The following NDST4 variants were observed in gnomAD, a reference collection of about 807,000 sequenced individuals.
NDST4 encodes N-heparan sulfate sulfotransferase 4.
Under a neutral mutation model 100.8 loss-of-function variants are expected in NDST4, and 63 were observed. The ratio of observed to expected loss-of-function variants is 0.62; its 90% CI spans 0.51 to 0.77. The LOEUF is 0.77. Ranked by LOEUF, NDST4 falls within the 30% of genes least tolerant of loss-of-function variation. NDST4 has a pLI of 0.00. For synonymous variants in NDST4, 377 were observed against 361.8 expected, an observed-to-expected ratio of 1.04 and a Z score of -0.48; for missense variants, 943 against 1,018.4, an observed-to-expected ratio of 0.93 and a Z score of 1.01.
intron 2 of NDST4, among the ~76,000 whole-genome samples, chr4:115,007,250 A>G (rs1199595165): frequency 6.6e-6 from 1 of 152,158 alleles, no homozygotes; most frequent in Non-Finnish European, 1.5e-5. Flanking sequence ...ACCAGTAAAC[A>G]TGCAGCTGTA....
intron 8 of NDST4, among the ~76,000 whole-genome samples, 154 bp from the exon 9 acceptor site, chr4:114,848,492 CA>C (rs1723603617): frequency 1.3e-5 from 2 of 152,158 alleles, no homozygotes; most frequent in Non-Finnish European, 2.9e-5. Context: ...TCCATGCAGC[CA>C]CAATCTAAGT....
chr4:114,856,556 A>G (rs1265658763), intron 7 of NDST4, among the ~76,000 whole-genome samples: 4 of 152,224 alleles, frequency 2.6e-5, no homozygotes, highest in African/African-American at 9.6e-5. Context: ...GCAAAATCAT[A>G]GACTTCTCAA....
In NDST4 at chr4:114,929,074, G is replaced by GTCCGTCCGTCCATCCA. The variant is rs1560816975; in HGVS notation, c.1536+6131_1536+6132insTGGATGGACGGACGGA. The stretch of plus-strand genomic sequence containing the variant: ...CGTCCGTCCGTCCGTCCGTCCGTCC[G>GTCCGTCCGTCCATCCA]TCCATCCATCCATCCATCCATCCAT... On this transcript the variant is annotated intron_variant, in intron 6 of 13. Coordinates refer to ENST00000264363, the MANE Select transcript of NDST4 (RefSeq NM_022569.3). Among the ~76,000 whole-genome samples the GTCCGTCCGTCCATCCA allele has an allele frequency of 3.2e-3, 383 of 120,412 alleles. 3 individuals are homozygous for GTCCGTCCGTCCATCCA. The highest frequency in any genetic ancestry group is 4.1e-3 in the Admixed American group (49 of 12,048). 79.0% of individuals were successfully genotyped at this position (120,412 alleles called of 152,430 possible).
At chr4:115,099,974 C>G (rs1729697381) in intron 1 of NDST4, among the ~76,000 whole-genome samples, 1 of 152,052 alleles carries the variant, frequency 6.6e-6, no homozygotes, top group South Asian at 2.1e-4. Flanking sequence ...AAATATCATT[C>G]AGCTCTAAAA....
intron 2 of NDST4, among the ~76,000 whole-genome samples, chr4:115,031,682 T>C (rs1382013077): frequency 6.6e-6 from 1 of 152,108 alleles, no homozygotes; most frequent in Non-Finnish European, 1.5e-5. Context: ...CACCTTTCTC[T>C]CCAAACAGAA....
At chr4:115,034,833 A>AT (rs1728198352) in intron 2 of NDST4, among the ~76,000 whole-genome samples, 1 of 152,150 alleles carries the variant, frequency 6.6e-6, no homozygotes, top group Non-Finnish European at 1.5e-5. Flanking sequence ...GACTATTTCA[A>AT]TAGGTGTCTT....
In NDST4 at chr4:114,894,837, G is replaced by T. The variant is rs200475036; in HGVS notation, c.1537-23887C>A. 2.0e-5 allele frequency among the ~76,000 whole-genome samples: 3 copies of T among 152,016 alleles called. No individual in the cohort carries two copies. In the East Asian group the frequency reaches 5.8e-4, roughly 29 times the overall value. ...TTTTACCGGTTTTTAAAGGGAATGC[G>T]TTCACCTTTTACCCATTCAGTATGA... is the stretch of plus-strand genomic sequence containing the variant. On this transcript the variant is annotated intron_variant, in intron 6 of 13. Coordinates refer to ENST00000264363, the MANE Select transcript of NDST4 (RefSeq NM_022569.3).
At chr4:115,009,714 A>C (rs13150826) in intron 2 of NDST4, among the ~76,000 whole-genome samples, 1 of 115,048 alleles carries the variant, frequency 8.7e-6, no homozygotes, top group East Asian at 2.7e-4. Flanking sequence ...GAGCTTCTGC[A>C]CAGCAAAAGA....
intron 6 of NDST4, among the ~76,000 whole-genome samples, chr4:114,906,514 T>C (rs1724951806): frequency 6.6e-6 from 1 of 151,926 alleles, no homozygotes; most frequent in East Asian, 1.9e-4. Context: ...ACCCATTCTG[T>C]CTCTCTAGTT....
chr4:114,854,368 A>G (rs944904562), intron 7 of NDST4, among the ~76,000 whole-genome samples: 4 of 152,126 alleles, frequency 2.6e-5, no homozygotes, highest in African/African-American at 9.7e-5. Flanking sequence ...CCCTTCATTC[A>G]TTTCTCTGTT....
chr4:114,926,428 G>T (rs976730535), intron 6 of NDST4, among the ~76,000 whole-genome samples: 2 of 151,934 alleles, frequency 1.3e-5, no homozygotes, highest in South Asian at 4.1e-4. Flanking sequence ...TGTAAATCAA[G>T]ATGTAAAACT....
At chr4:115,058,372 A>T (rs1252685594) in intron 2 of NDST4, among the ~76,000 whole-genome samples, 2 of 152,328 alleles carry the variant, frequency 1.3e-5, no homozygotes, top group East Asian at 3.9e-4. Flanking sequence ...GAAATGCAGC[A>T]GATCTGACAA....
At position 114,986,828 on chromosome 4, in the gene NDST4, A is replaced by ATTT. The variant is rs1192536720; in HGVS notation, c.979-9555_979-9554insAAA. ...TATATATATATATATATATATATATATATATTTTAATATACTATTCCTATA... is the reference window on the plus strand; with the variant it reads ...TATATATATATATATATATATATATATTTTATATTTTAATATACTATTCCTATA... On this transcript the variant is annotated intron_variant, in intron 2 of 13. Transcript: ENST00000264363. Among the ~76,000 whole-genome samples, 30 of 112,850 alleles carry ATTT rather than the reference A, an allele frequency of 2.7e-4. 1 individual carries two copies. The highest frequency in any genetic ancestry group is 1.0e-3 in the African/African-American group (28 of 28,092). The allele number at this position is 112,850 out of a possible 152,430, so 74.0% of individuals were successfully genotyped here.
intron 2 of NDST4, among the ~76,000 whole-genome samples, chr4:115,018,980 C>T (rs1328795253): frequency 6.6e-6 from 1 of 151,918 alleles, no homozygotes; most frequent in African/African-American, 2.4e-5. Flanking sequence ...TTGGAGACAA[C>T]ATTCCTTCCA....
chr4:114,971,029 C>A (rs1242736699), intron 3 of NDST4, among the ~76,000 whole-genome samples: 1 of 151,966 alleles, frequency 6.6e-6, no homozygotes, highest in Admixed American at 6.6e-5. Flanking sequence ...AAGTAATACA[C>A]AAAGCCCAAA....
intron 1 of NDST4, among the ~76,000 whole-genome samples, chr4:115,097,467 C>T (rs921496296): frequency 3.3e-5 from 5 of 152,170 alleles, no homozygotes; most frequent in African/African-American, 4.8e-5. Context: ...TGACTCCTCT[C>T]TTTCTTTCCC....
chr4:114,938,869 C>T (rs1371382952), intron 4 of NDST4, among the ~76,000 whole-genome samples: 1 of 152,186 alleles, frequency 6.6e-6, no homozygotes, highest in Non-Finnish European at 1.5e-5. Context: ...CAGTAAATGA[C>T]TCTGTAGAAG....
chr4:115,076,264 T>C lies in NDST4; in HGVS notation c.773A>G (p.Gln258Arg), dbSNP rs773671020. The C allele has an allele frequency of 1.2e-6, 2 of 1,614,006 alleles. No individual in the cohort carries two copies. The highest frequency in any genetic ancestry group is 1.3e-5 in the African/African-American group (1 of 75,058). ...SSKTLFATVI[Q>R]DLGLHDGIQR... is the part of the protein sequence containing the mutation. Reference sequence around the variant, plus strand: ...AATTCCATCATGAAGCCCCAGATCCTGAATCACCGTTGCAAAGAGTGTTTT... The same window carrying C: ...AATTCCATCATGAAGCCCCAGATCCCGAATCACCGTTGCAAAGAGTGTTTT... Residue 258 changes from glutamine to arginine, a missense_variant, in exon 2 of 14, where the codon CAG (glutamine) becomes CGG (arginine). Physicochemically the swap from Gln to Arg is conservative, Grantham distance 43. This residue lies in a region of NDST4 where 417 missense variants were observed against 384.2 expected (regional missense o/e 1.09). Transcript: ENST00000264363.
At chr4:114,935,128 T>G (rs1166622213) in intron 6 of NDST4, 78 bp downstream of exon 6, 25 of 1,130,144 alleles carry the variant, frequency 2.2e-5, no homozygotes, top group Non-Finnish European at 2.4e-6. Flanking sequence ...ATAAATATGA[T>G]TTAGTTTAAA....
Sources: gnomAD v4.1 joint callset for allele counts (sites outside exome capture counted in the v4.1 genomes callset) on GRCh38, gnomAD v4.1.1 for gene constraint, gnomAD v4.1.1 regional missense constraint, MANE v1.5 for transcripts, NCBI Gene and HGNC (gene_info 2026-07-23, HGNC 2026-07-21) for gene names.